Variants in SOX1 observed in about 807,000 individuals in gnomAD.
SOX1 encodes transcription factor SOX-1.
In SOX1, 1 loss-of-function variant was observed where a neutral mutation model predicts 0.9. The ratio of observed to expected loss-of-function variants is 1.07; its 90% CI spans 0.38 to 5.06. The LOEUF (loss-of-function observed/expected upper bound fraction) is 5.06. Among genes scored for constraint, SOX1 ranks in the 30% most tolerant of loss-of-function variants. The pLI, the probability that SOX1 is intolerant of heterozygous loss-of-function variation, is 0.16. For synonymous variants in SOX1, 397 were observed against 265.5 expected (o/e 1.50, Z -4.81); for missense variants, 564 against 534.4 (o/e 1.06, Z -0.55).
At position 112,071,257 on chromosome 13, in the gene SOX1, C is replaced by T. The variant is rs78086792; in HGVS notation, c.*2423C>T. On this transcript the variant is annotated 3_prime_UTR_variant, in exon 1 of 1. Transcript: ENST00000330949. ...GGATGTGGGCCCCACTTTAGAGGCA[C>T]AGACTATGAAAAGCTGAGTTAGTGC... is the stretch of plus-strand genomic sequence containing the variant. Among the ~76,000 whole-genome samples, 1,724 of 152,310 alleles carry T rather than the reference C, an allele frequency of 0.011. 27 individuals carry two copies. The highest frequency in any genetic ancestry group is 0.039 in the African/African-American group (1,625 of 41,560).
In SOX1 at chr13:112,068,434, T is replaced by C; in HGVS notation, c.776T>C (p.Ile259Thr). The C allele has an allele frequency of 5.6e-6, 7 of 1,250,028 alleles. No homozygotes were observed. The highest frequency in any genetic ancestry group is 6.1e-6 in the Non-Finnish European group (6 of 975,946). The allele number at this position is 1,250,028 out of a possible 1,614,324, so 77.4% of individuals were successfully genotyped here. Residue 259 changes from isoleucine to threonine, a missense_variant, in exon 1 of 1, where the codon ATC becomes ACC. Physicochemically the swap from Ile to Thr is moderately conservative, Grantham distance 89. Coordinates refer to ENST00000330949, the MANE Select transcript of SOX1 (RefSeq NM_005986.3). This position sits in a 1 kb window ranked among gnomAD's most constrained non-coding sequence, Gnocchi z 6.9. ...ATGGGCGCGCTGCAGTACAGCCCCA[T>C]CTCCAACTCGCAGGGCTACATGAGC... ...YDMGALQYSP[I>T]SNSQGYMSAS...
In SOX1 at chr13:112,067,172, G is replaced by A. The variant is rs1305356615; in HGVS notation, c.-487G>A. 4.0e-5 allele frequency among the ~76,000 whole-genome samples: 6 copies of A among 149,582 alleles called. No homozygotes were observed. Among genetic ancestry groups the A allele is most frequent in the Admixed American group, 1.3e-4 (2 of 15,118 alleles). On this transcript the variant is annotated 5_prime_UTR_variant, in exon 1 of 1. Transcript: ENST00000330949. The surrounding 1 kb of genome is among the most constrained non-coding windows in gnomAD (Gnocchi z 5.1). ...CCAGCACATGCCCAGCGCACGCGGC[G>A]CGCCGCCCTGCTAGAAGTTGCAGCC...
Position 112,068,424 on chromosome 13 carries a change from T to A in SOX1, c.766T>A (p.Tyr256Asn). 8.0e-7 allele frequency: 1 copy of A among 1,257,340 alleles called. No homozygotes were observed. The allele number at this position is 1,257,340 out of a possible 1,614,324, so 77.9% of individuals were successfully genotyped here. Residue 256 changes from tyrosine (Y) to asparagine (N), a missense_variant, in exon 1 of 1, where the codon TAC becomes AAC. Physicochemically the swap from Tyr to Asn is moderately radical, Grantham distance 143 (BLOSUM62 -2). Transcript: ENST00000330949. This position sits in a 1 kb window ranked among gnomAD's most constrained non-coding sequence, Gnocchi z 6.9. Reference protein sequence around the residue: ...MHRYDMGALQYSPISNSQGYM... With the variant: ...MHRYDMGALQNSPISNSQGYM... Reference sequence around the variant, plus strand: ...CCGCTACGACATGGGCGCGCTGCAGTACAGCCCCATCTCCAACTCGCAGGG... The same window carrying A: ...CCGCTACGACATGGGCGCGCTGCAGAACAGCCCCATCTCCAACTCGCAGGG...
At position 112,068,204 on chromosome 13, in the gene SOX1, G is replaced by T. The variant is rs1214711142; in HGVS notation, c.546G>T (p.Ala182=). 6 of 775,506 alleles carry T rather than the reference G, an allele frequency of 7.7e-6. No individual in the cohort carries two copies. In the South Asian group the frequency reaches 2.8e-4, roughly 36 times the overall value. 48.0% of individuals were successfully genotyped at this position (775,506 alleles called of 1,614,324 possible). ...SPGGAAGGGY[A]HVNGWANGAY... ...GCGGCGCGGCGGGCGGCGGCTACGC[G>T]CACGTCAACGGCTGGGCCAACGGCG... is the stretch of plus-strand genomic sequence containing the variant. The change falls in exon 1 of 1, where the codon GCG becomes GCT. Residue 182 remains alanine, a synonymous_variant. Transcript: ENST00000330949. This position sits in a 1 kb window ranked among gnomAD's most constrained non-coding sequence, Gnocchi z 6.9.
At position 112,068,145 on chromosome 13, in the gene SOX1, G is replaced by T; in HGVS notation, c.487G>T (p.Ala163Ser). 9.4e-7 allele frequency: 1 copy of T among 1,059,310 alleles called. No homozygotes were observed. Among genetic ancestry groups the T allele is most frequent in the South Asian group, 4.4e-5 (1 of 22,626 alleles). The allele number at this position is 1,059,310 out of a possible 1,614,324, so 65.6% of individuals were successfully genotyped here. Residue 163 changes from alanine to serine, a missense_variant, in exon 1 of 1, where the codon GCG becomes TCG. Transcript: ENST00000330949. The surrounding 1 kb of genome is among the most constrained non-coding windows in gnomAD (Gnocchi z 6.9). ...VAMGVGVGVG[A>S]AAVGQRLESP... Reference sequence around the variant, plus strand: ...CATGGGCGTGGGCGTGGGCGTGGGCGCGGCGGCCGTGGGCCAGCGCCTGGA... The same window carrying T: ...CATGGGCGTGGGCGTGGGCGTGGGCTCGGCGGCCGTGGGCCAGCGCCTGGA...
chr13:112,068,203 C>A lies in SOX1; in HGVS notation c.545C>A (p.Ala182Glu). ...GGCGGCGCGGCGGGCGGCGGCTACG[C>A]GCACGTCAACGGCTGGGCCAACGGC... ...SPGGAAGGGY[A>E]HVNGWANGAY... Residue 182 changes from alanine (A) to glutamate (E), a missense_variant, in exon 1 of 1, where the codon GCG becomes GAG. Physicochemically the swap from Ala to Glu is moderately radical, Grantham distance 107 (BLOSUM62 -1). Coordinates refer to ENST00000330949, the MANE Select transcript of SOX1 (RefSeq NM_005986.3). The surrounding 1 kb of genome is among the most constrained non-coding windows in gnomAD (Gnocchi z 6.9). The A allele has an allele frequency of 1.3e-6, 1 of 775,696 alleles. No homozygotes were observed. The highest frequency in any genetic ancestry group is 1.6e-6 in the Non-Finnish European group (1 of 636,824). 48.1% of individuals were successfully genotyped at this position (775,696 alleles called of 1,614,324 possible).
rs112305049 is a variant in SOX1, at chr13:112,068,529, G to T, written c.871G>T (p.Ala291Ser). 2.5e-5 allele frequency: 25 copies of T among 990,038 alleles called. No homozygotes were observed. Among genetic ancestry groups the T allele is most frequent in the Non-Finnish European group, 2.9e-5 (24 of 831,718 alleles). 61.3% of individuals were successfully genotyped at this position (990,038 alleles called of 1,614,324 possible). A position where few individuals can be genotyped will look rare whatever the true frequency, so the allele number is the denominator to read the frequency against. The change falls in exon 1 of 1, where the codon GCG becomes TCG. Residue 291 changes from alanine to serine, a missense_variant. By Grantham distance (99) the Ala-to-Ser change is moderately conservative. Transcript: ENST00000330949. The surrounding 1 kb of genome is among the most constrained non-coding windows in gnomAD (Gnocchi z 6.9). ...AAAAAAAAGG[A>S]HQNSAVAAAA... ...CGCCGCCGCCGCCGCTGCGGGCGGC[G>T]CGCACCAGAACTCGGCCGTGGCGGC...
chr13:112,068,593 G>A lies in SOX1; in HGVS notation c.935G>A (p.Gly312Asp). Residue 312 changes from glycine (G) to aspartate (D), a missense_variant, in exon 1 of 1, where the codon GGC (glycine) becomes GAC (aspartate). Coordinates refer to ENST00000330949, the MANE Select transcript of SOX1 (RefSeq NM_005986.3). This position sits in a 1 kb window ranked among gnomAD's most constrained non-coding sequence, Gnocchi z 6.9. ...GCGGCCGCGTCGTCGGGCGCCCTGG[G>A]CGCGCTGGGCTCTCTGGTGAAGTCG... ...AAAAASSGALGALGSLVKSEP... is the reference protein window; with the variant it reads ...AAAAASSGALDALGSLVKSEP... 9.0e-7 allele frequency: 1 copy of A among 1,109,308 alleles called. No individual in the cohort carries two copies. Among genetic ancestry groups the A allele is most frequent in the Non-Finnish European group, 1.1e-6 (1 of 911,810 alleles). 68.7% of individuals were successfully genotyped at this position (1,109,308 alleles called of 1,614,324 possible).
At position 112,068,336 on chromosome 13, in the gene SOX1, G is replaced by A; in HGVS notation, c.678G>A (p.Ala226=). 7.6e-6 allele frequency: 9 copies of A among 1,182,850 alleles called. No homozygotes were observed. Among genetic ancestry groups the A allele is most frequent in the South Asian group, 1.9e-5 (1 of 52,532 alleles). 73.3% of individuals were successfully genotyped at this position (1,182,850 alleles called of 1,614,324 possible). Residue 226 remains alanine, a synonymous_variant, in exon 1 of 1, where the codon GCG becomes GCA. Transcript: ENST00000330949. This position sits in a 1 kb window ranked among gnomAD's most constrained non-coding sequence, Gnocchi z 6.9. ...GCGCGGGCGGCGCGCACCCGCACGCGCACCCCGCGCACCCGCACCCGCACC... is the reference window on the plus strand; with the variant it reads ...GCGCGGGCGGCGCGCACCCGCACGCACACCCCGCGCACCCGCACCCGCACC... ...HPGAGGAHPH[A]HPAHPHPHHP... is the part of the protein sequence containing the mutation.
At position 112,068,469 on chromosome 13, in the gene SOX1, T is replaced by G; in HGVS notation, c.811T>G (p.Ser271Ala). The G allele has an allele frequency of 8.7e-7, 1 of 1,155,276 alleles. No individual in the cohort carries two copies. The allele number at this position is 1,155,276 out of a possible 1,614,324, so 71.6% of individuals were successfully genotyped here. Reference protein sequence around the residue: ...NSQGYMSASPSGYGGLPYGAA... With the variant: ...NSQGYMSASPAGYGGLPYGAA... Reference sequence around the variant, plus strand: ...GCAGGGCTACATGAGCGCGTCGCCCTCGGGCTACGGCGGCCTCCCCTACGG... The same window carrying G: ...GCAGGGCTACATGAGCGCGTCGCCCGCGGGCTACGGCGGCCTCCCCTACGG... The change falls in exon 1 of 1, where the codon TCG becomes GCG. Residue 271 changes from serine to alanine, a missense_variant. Physicochemically the swap from Ser to Ala is moderately conservative, Grantham distance 99. Transcript: ENST00000330949. This position sits in a 1 kb window ranked among gnomAD's most constrained non-coding sequence, Gnocchi z 6.9.
rs558300471 is a variant in SOX1 at position 112,067,296 on chromosome 13, C to G, written c.-363C>G. On this transcript the variant is annotated 5_prime_UTR_variant, in exon 1 of 1. Coordinates refer to ENST00000330949, the MANE Select transcript of SOX1 (RefSeq NM_005986.3). This position sits in a 1 kb window ranked among gnomAD's most constrained non-coding sequence, Gnocchi z 5.1. ...AGCACACCCCGGGCCGGGCCCAGCG[C>G]ACCGCTCCCGGCCCCAAAAGCGGAG... 2.0e-5 allele frequency among the ~76,000 whole-genome samples: 3 copies of G among 152,212 alleles called. No homozygotes were observed. Among genetic ancestry groups the G allele is most frequent in the African/African-American group, 7.2e-5 (3 of 41,562 alleles).
chr13:112,068,841 C>T lies in SOX1; in HGVS notation c.*7C>T, dbSNP rs1278352129. The T allele has an allele frequency of 3.6e-5, 44 of 1,214,348 alleles. No homozygotes were observed. The highest frequency in any genetic ancestry group is 4.5e-5 in the Non-Finnish European group (44 of 969,564). 75.2% of individuals were successfully genotyped at this position (1,214,348 alleles called of 1,614,324 possible). A position where few individuals can be genotyped will look rare whatever the true frequency, so the allele number is the denominator to read the frequency against. ...GCCCCTGACGCACATCTAGCGCCTT[C>T]GGGACGCCGGGGACTCTGCGGCGGC... On this transcript the variant is annotated 3_prime_UTR_variant, in exon 1 of 1. Transcript: ENST00000330949. This position sits in a 1 kb window ranked among gnomAD's most constrained non-coding sequence, Gnocchi z 6.9.
rs1288043203 is a variant in SOX1, at chr13:112,068,364, C to G, written c.706C>G (p.Pro236Ala). The change falls in exon 1 of 1, where the codon CCG becomes GCG. Residue 236 changes from proline (P) to alanine (A), a missense_variant. Coordinates refer to ENST00000330949, the MANE Select transcript of SOX1 (RefSeq NM_005986.3). The surrounding 1 kb of genome is among the most constrained non-coding windows in gnomAD (Gnocchi z 6.9). ...CCCCGCGCACCCGCACCCGCACCAC[C>G]CGCACGCGCACCCGCACAACCCGCA... ...AHPAHPHPHHPHAHPHNPQPM... is the reference protein window; with the variant it reads ...AHPAHPHPHHAHAHPHNPQPM... 28 of 1,269,660 alleles carry G rather than the reference C, an allele frequency of 2.2e-5. 1 individual carries two copies. Among genetic ancestry groups the G allele is most frequent in the Non-Finnish European group, 2.8e-5 (28 of 987,260 alleles). The allele number at this position is 1,269,660 out of a possible 1,614,324, so 78.6% of individuals were successfully genotyped here.
At position 112,068,741 on chromosome 13, in the gene SOX1, G is replaced by T. The variant is rs1202843461; in HGVS notation, c.1083G>T (p.Ala361=). ...GGGGCGACCCGGCGGCGGCAGCAGC[G>T]GCCGCGGCGCAGAGCCGGCTGCACT... The part of the protein sequence containing the change: ...GEGGDPAAAA[A]AAAQSRLHSL... The change falls in exon 1 of 1, where the codon GCG becomes GCT. Residue 361 remains alanine, a synonymous_variant. Coordinates refer to ENST00000330949, the MANE Select transcript of SOX1 (RefSeq NM_005986.3). The surrounding 1 kb of genome is among the most constrained non-coding windows in gnomAD (Gnocchi z 6.9). 1.3e-5 allele frequency: 15 copies of T among 1,193,158 alleles called. No homozygotes were observed. Among genetic ancestry groups the T allele is most frequent in the East Asian group, 3.6e-5 (1 of 27,788 alleles). The allele number at this position is 1,193,158 out of a possible 1,614,324, so 73.9% of individuals were successfully genotyped here. A position where few individuals can be genotyped will look rare whatever the true frequency, so the allele number is the denominator to read the frequency against.
chr13:112,068,353 AC>A lies in SOX1; in HGVS notation c.698del (p.Pro233ArgfsTer34). On this transcript the variant is annotated frameshift_variant, in exon 1 of 1. Coordinates refer to ENST00000330949, the MANE Select transcript of SOX1 (RefSeq NM_005986.3). LOFTEE classifies it low-confidence loss of function (END_TRUNC). The surrounding 1 kb of genome is among the most constrained non-coding windows in gnomAD (Gnocchi z 6.9). ...CCGCACGCGCACCCCGCGCACCCGC[AC>A]CCGCACCACCCGCACGCGCACCCGC... ...AHPHAHPAHP[H>X]PHHPHAHPHN... 1 of 1,247,422 alleles carries A rather than the reference AC, an allele frequency of 8.0e-7. No homozygotes were observed. Among genetic ancestry groups the A allele is most frequent in the Non-Finnish European group, 1.0e-6 (1 of 975,296 alleles). 77.3% of individuals were successfully genotyped at this position (1,247,422 alleles called of 1,614,324 possible).
In SOX1 at chr13:112,067,359, C is replaced by G. The variant is rs2138615106; in HGVS notation, c.-300C>G. Among the ~76,000 whole-genome samples, 1 of 152,320 alleles carries G rather than the reference C, an allele frequency of 6.6e-6. No individual in the cohort carries two copies. The highest frequency in any genetic ancestry group is 1.9e-4 in the East Asian group (1 of 5,148). On this transcript the variant is annotated 5_prime_UTR_variant, in exon 1 of 1. Coordinates refer to ENST00000330949, the MANE Select transcript of SOX1 (RefSeq NM_005986.3). The surrounding 1 kb of genome is among the most constrained non-coding windows in gnomAD (Gnocchi z 5.1). ...CACGACTGCACCTGTTTGCACCGCT[C>G]CGCCGAGGGCGCCTGGGCTGCGGTG...
rs1230900834 is a variant in SOX1 at position 112,067,402 on chromosome 13, C to A, written c.-257C>A. 6.6e-6 allele frequency among the ~76,000 whole-genome samples: 1 copy of A among 152,086 alleles called. No homozygotes were observed. Among genetic ancestry groups the A allele is most frequent in the East Asian group, 1.9e-4 (1 of 5,132 alleles). Reference sequence around the variant, plus strand: ...CTGCGGTGGCGGCGAAGACGGCGACCCCGACCGTCGGCCTCTTTGGCAAGT... The same window carrying A: ...CTGCGGTGGCGGCGAAGACGGCGACACCGACCGTCGGCCTCTTTGGCAAGT... On this transcript the variant is annotated 5_prime_UTR_variant, in exon 1 of 1. Coordinates refer to ENST00000330949, the MANE Select transcript of SOX1 (RefSeq NM_005986.3). This position sits in a 1 kb window ranked among gnomAD's most constrained non-coding sequence, Gnocchi z 5.1.
Position 112,067,929 on chromosome 13 carries a change from G to A in SOX1, c.271G>A (p.Val91Ile). ...ISKRLGAEWK[V>I]MSEAEKRPFI... ...CAAGCGCCTGGGGGCCGAGTGGAAG[G>A]TCATGTCCGAGGCCGAGAAGCGGCC... The change falls in exon 1 of 1, where the codon GTC (valine) becomes ATC (isoleucine). Residue 91 changes from valine to isoleucine, a missense_variant. Coordinates refer to ENST00000330949, the MANE Select transcript of SOX1 (RefSeq NM_005986.3). This position sits in a 1 kb window ranked among gnomAD's most constrained non-coding sequence, Gnocchi z 5.1. The A allele has an allele frequency of 2.5e-6, 4 of 1,608,032 alleles. No homozygotes were observed. Among genetic ancestry groups the A allele is most frequent in the Non-Finnish European group, 3.4e-6 (4 of 1,176,920 alleles).
Position 112,067,400 on chromosome 13 carries a change from A to AC in SOX1, c.-255dup, listed in dbSNP as rs2138615182. Among the ~76,000 whole-genome samples the AC allele has an allele frequency of 6.6e-6, 1 of 151,774 alleles. No individual in the cohort carries two copies. Among genetic ancestry groups the AC allele is most frequent in the South Asian group, 2.1e-4 (1 of 4,794 alleles). On this transcript the variant is annotated 5_prime_UTR_variant, in exon 1 of 1. Coordinates refer to ENST00000330949, the MANE Select transcript of SOX1 (RefSeq NM_005986.3). The surrounding 1 kb of genome is among the most constrained non-coding windows in gnomAD (Gnocchi z 5.1). ...GGCTGCGGTGGCGGCGAAGACGGCGACCCCGACCGTCGGCCTCTTTGGCAA... is the reference window on the plus strand; with the variant it reads ...GGCTGCGGTGGCGGCGAAGACGGCGACCCCCGACCGTCGGCCTCTTTGGCAA...
Sources: gnomAD v4.1 joint callset for allele counts (sites outside exome capture counted in the v4.1 genomes callset) on GRCh38, gnomAD v4.1.1 for gene constraint, Gnocchi (gnomAD v3.1) non-coding constraint, MANE v1.5 for transcripts, NCBI Gene and HGNC (gene_info 2026-07-23, HGNC 2026-07-21) for gene names.